Variants in PCDHA13 observed in about 807,000 individuals in gnomAD.
The protein encoded by PCDHA13 is protocadherin alpha 13, also known as protocadherin alpha-13.
Under a neutral mutation model 64.8 loss-of-function variants are expected in PCDHA13, and 54 were observed. The observed-to-expected ratio is 0.83, with a 90% confidence interval of 0.67 to 1.04. PCDHA13 has a LOEUF of 1.04. PCDHA13 is among the 50% of genes least tolerant of loss of function. PCDHA13 has a pLI of 0.00. For synonymous variants in PCDHA13, 587 were observed against 564.4 expected (o/e 1.04, Z -0.57); for missense variants, 1,248 against 1,254.3 (o/e 0.99, Z 0.08).
intron 1 of PCDHA13, among the ~76,000 whole-genome samples, chr5:140,908,047 C>T (rs976734426): frequency 4.6e-5 from 7 of 152,208 alleles, no homozygotes; most frequent in African/African-American, 1.7e-4. Context: ...AATTGCACAT[C>T]CGGCCATTTC....
At chr5:140,985,047 C>T (rs1417890181) in intron 3 of PCDHA13, among the ~76,000 whole-genome samples, 5 of 152,076 alleles carry the variant, frequency 3.3e-5, no homozygotes, top group African/African-American at 9.7e-5. Context: ...AAGTGATTCT[C>T]CTGCCTCAGC....
intron 1 of PCDHA13, among the ~76,000 whole-genome samples, chr5:140,921,218 T>G (rs1554200138): frequency 6.6e-6 from 1 of 152,126 alleles, no homozygotes; most frequent in African/African-American, 2.4e-5. Context: ...TTCACGTCTT[T>G]TTTGCTAGAT....
chr5:140,992,017 CTGTGTGTGTG>C (rs10602499), intron 3 of PCDHA13, among the ~76,000 whole-genome samples: 1 of 145,512 alleles, frequency 6.9e-6, no homozygotes, highest in Non-Finnish European at 1.5e-5. Context: ...AGAGGTGGCT[CTGTGTGTGTG>C]TGTGTGTGTG....
intron 1 of PCDHA13, among the ~76,000 whole-genome samples, chr5:140,914,765 T>A (rs2076829694): frequency 6.6e-6 from 1 of 152,080 alleles, no homozygotes. Flanking sequence ...TTACATGAGG[T>A]TTATGACTTA....
At chr5:140,923,264 C>T (rs2081280629) in intron 1 of PCDHA13, among the ~76,000 whole-genome samples, 1 of 152,170 alleles carries the variant, frequency 6.6e-6, no homozygotes, top group Admixed American at 6.5e-5. Flanking sequence ...CATAGTGAGA[C>T]CTTGTCTCTA....
At chr5:140,948,752 C>T (rs246047) in intron 1 of PCDHA13, among the ~76,000 whole-genome samples, 85,413 of 151,184 alleles carry the variant, frequency 0.56, 24,715 homozygotes, top group African/African-American at 0.69. Context: ...ATCAATTTTG[C>T]TGATTTTTTT....
intron 1 of PCDHA13, among the ~76,000 whole-genome samples, chr5:140,913,052 A>G (rs1554195709): frequency 6.6e-6 from 1 of 151,874 alleles, no homozygotes; most frequent in African/African-American, 2.4e-5. Context: ...CTGGAGTTTT[A>G]TTTTATTTTG....
chr5:140,970,912 T>C (rs1035265875), intron 1 of PCDHA13, among the ~76,000 whole-genome samples: 3 of 152,212 alleles, frequency 2.0e-5, no homozygotes, highest in Non-Finnish European at 2.9e-5. Flanking sequence ...TTTATTCATT[T>C]ATCAGAAGTG....
In PCDHA13 at chr5:140,882,859, G is replaced by A. The variant is rs2059337136; in HGVS notation, c.591G>A (p.Arg197=). Residue 197 remains arginine (R), a synonymous_variant, in exon 1 of 4, where the codon AGG becomes AGA. Coordinates refer to ENST00000289272, the MANE Select transcript of PCDHA13 (RefSeq NM_018904.3). ...EQMSSLSLVL[R]KTLDREEIQE... is the part of the protein sequence containing the mutation. ...TGTCTTCATTATCACTTGTACTGAG[G>A]AAAACACTGGACAGAGAGGAAATTC... 1 of 1,614,192 alleles carries A rather than the reference G, an allele frequency of 6.2e-7. No homozygotes were observed. Among genetic ancestry groups the A allele is most frequent in the East Asian group, 2.2e-5 (1 of 44,882 alleles).
chr5:140,952,338 C>CAAAAAAAA (rs55931446), intron 1 of PCDHA13, among the ~76,000 whole-genome samples: 1 of 135,028 alleles, frequency 7.4e-6, no homozygotes. Context: ...AACTCCATCT[C>CAAAAAAAA]AAAAAAAAAA....
intron 1 of PCDHA13, among the ~76,000 whole-genome samples, chr5:140,904,764 A>G (rs1354356510): frequency 2.0e-5 from 3 of 152,240 alleles, no homozygotes; most frequent in African/African-American, 4.8e-5. Context: ...CAAGAATAAG[A>G]TGGTATCACA....
chr5:140,978,907 G>T (rs782602741), intron 1 of PCDHA13, 42 bp from the exon 2 acceptor site: 3 of 1,613,648 alleles, frequency 1.9e-6, no homozygotes, highest in East Asian at 2.2e-5. Flanking sequence ...GGAGAACATT[G>T]TCTTGTCATT....
At chr5:140,990,772 C>T (rs1554251728) in intron 3 of PCDHA13, among the ~76,000 whole-genome samples, 1 of 152,164 alleles carries the variant, frequency 6.6e-6, no homozygotes, top group African/African-American at 2.4e-5. Context: ...AAATTTGGCT[C>T]TGTGTTGGAC....
intron 1 of PCDHA13, among the ~76,000 whole-genome samples, chr5:140,908,078 A>T (rs1047293736): frequency 6.6e-6 from 1 of 152,202 alleles, no homozygotes; most frequent in Non-Finnish European, 1.5e-5. Context: ...AAAGTGCACA[A>T]CCAGGTGCAC....
At chr5:140,966,448 C>T (rs1198594007) in intron 1 of PCDHA13, 2 of 425,466 alleles carry the variant, frequency 4.7e-6, no homozygotes, top group Non-Finnish European at 8.2e-6. Context: ...TCCCTTTCCC[C>T]CTCCCCCTCT....
chr5:140,894,821 C>T, intron 1 of PCDHA13, among the ~76,000 whole-genome samples: 1 of 151,806 alleles, frequency 6.6e-6, no homozygotes, highest in Non-Finnish European at 1.5e-5. Context: ...TCAGATTTGC[C>T]CATAATCCTT....
At chr5:140,946,868 T>C (rs1468330981) in intron 1 of PCDHA13, among the ~76,000 whole-genome samples, 1 of 151,412 alleles carries the variant, frequency 6.6e-6, no homozygotes, top group Admixed American at 6.6e-5. Context: ...GAGAGGTTGG[T>C]CAATGGGTAC....
chr5:140,923,062 A>G (rs548165193), intron 1 of PCDHA13, among the ~76,000 whole-genome samples: 1 of 152,372 alleles, frequency 6.6e-6, no homozygotes, highest in African/African-American at 2.4e-5. Context: ...TAAAAGAGCT[A>G]GGTCTCCTCA....
intron 3 of PCDHA13, among the ~76,000 whole-genome samples, chr5:140,988,382 T>C (rs2097295449): frequency 6.6e-6 from 1 of 152,148 alleles, no homozygotes; most frequent in African/African-American, 2.4e-5. Flanking sequence ...TGAAACTCAT[T>C]GTGTTTGCCA....
Sources: allele counts gnomAD v4.1 joint callset (sites outside exome capture counted in the v4.1 genomes callset), GRCh38; gene constraint gnomAD v4.1.1; transcripts MANE v1.5; gene names NCBI Gene and HGNC (gene_info 2026-07-23, HGNC 2026-07-21).